LRMDA: variants seen among roughly 807,000 people sequenced by gnomAD.
The protein encoded by LRMDA is leucine rich melanocyte differentiation associated.
A neutral mutation model predicts 29.8 loss-of-function variants in LRMDA; 18 were observed. The observed-to-expected ratio is 0.60, with a 90% CI of 0.42 to 0.90. The LOEUF is 0.90. Among genes scored for constraint, LRMDA ranks in the 40% least tolerant of loss-of-function variants. The pLI is 0.00. For synonymous variants in LRMDA, 125 were observed against 109.4 expected (o/e 1.14, Z -0.89); for missense variants, 273 against 273.9 (o/e 1.00, Z 0.02).
At chr10:75,701,605 T>C (rs1260664455) in intron 2 of LRMDA, among the ~76,000 whole-genome samples, 11 of 151,806 alleles carry the variant, frequency 7.2e-5, no homozygotes, top group Admixed American at 7.2e-4. Context: ...TGAAGGGAGG[T>C]AATAAGAGTT....
chr10:76,405,234 G>T (rs1439672945), intron 6 of LRMDA, among the ~76,000 whole-genome samples: 1 of 152,186 alleles, frequency 6.6e-6, no homozygotes, highest in African/African-American at 2.4e-5. Flanking sequence ...GTTCTTCTGT[G>T]CAATATTCAA....
intron 2 of LRMDA, among the ~76,000 whole-genome samples, chr10:75,918,487 C>T (rs1377476899): frequency 6.6e-6 from 1 of 152,002 alleles, no homozygotes. Flanking sequence ...TTTCAAATAA[C>T]CAGATCTCGC....
intron 2 of LRMDA, among the ~76,000 whole-genome samples, chr10:75,894,117 G>A (rs1434392218): frequency 6.6e-6 from 1 of 151,786 alleles, no homozygotes; most frequent in Non-Finnish European, 1.5e-5. Context: ...TGAGATTTTG[G>A]TGCACCCATC....
rs181094227 is a variant in LRMDA at position 75,463,133 on chromosome 10, C to T, written c.131+24639C>T. ...GCATCCTCTTCTCTCTGCTTCAGCC[C>T]GAGCTGGAGAGCTTGGAATTTTAGA... On this transcript the variant is annotated intron_variant, in intron 2 of 6. Coordinates refer to ENST00000611255, the MANE Select transcript of LRMDA (RefSeq NM_001305581.2). Among the ~76,000 whole-genome samples, 203 of 152,232 alleles carry T rather than the reference C, an allele frequency of 1.3e-3. 3 individuals are homozygous for T. Among genetic ancestry groups the T allele is most frequent in the Non-Finnish European group, 6.6e-4 (45 of 68,036 alleles).
chr10:75,816,781 C>T (rs1390361589), intron 2 of LRMDA, among the ~76,000 whole-genome samples: 1 of 152,132 alleles, frequency 6.6e-6, no homozygotes, highest in Non-Finnish European at 1.5e-5. Context: ...AGGACTGGAA[C>T]AAGAAATTGG....
chr10:75,515,221 T>C (rs1460367264), intron 2 of LRMDA, among the ~76,000 whole-genome samples: 1 of 152,086 alleles, frequency 6.6e-6, no homozygotes, highest in Non-Finnish European at 1.5e-5. Context: ...GGCTGGTGGA[T>C]GGTGGTGGGG....
chr10:76,183,992 G>C (rs1589367172), intron 5 of LRMDA, among the ~76,000 whole-genome samples: 1 of 151,724 alleles, frequency 6.6e-6, no homozygotes, highest in East Asian at 2.0e-4. Flanking sequence ...AAAGTGCTGG[G>C]ATTACAAGTG....
At chr10:76,369,584 G>A (rs1841429760) in intron 6 of LRMDA, among the ~76,000 whole-genome samples, 1 of 152,090 alleles carries the variant, frequency 6.6e-6, no homozygotes, top group Non-Finnish European at 1.5e-5. Flanking sequence ...TGATGACAAT[G>A]TTCTTAGGCA....
At chr10:76,115,348 G>C (rs1316187444) in intron 5 of LRMDA, among the ~76,000 whole-genome samples, 1 of 152,174 alleles carries the variant, frequency 6.6e-6, no homozygotes, top group South Asian at 2.1e-4. Flanking sequence ...ATGCATTTTT[G>C]ATCTTTGCGT....
intron 6 of LRMDA, among the ~76,000 whole-genome samples, chr10:76,351,080 A>T (rs961575716): frequency 3.9e-5 from 6 of 152,248 alleles, no homozygotes; most frequent in Admixed American, 2.6e-4. Flanking sequence ...AAAATACTAG[A>T]TCAGTTAAAT....
At chr10:76,057,133 C>T (rs1007360638) in intron 4 of LRMDA, among the ~76,000 whole-genome samples, 1 of 152,260 alleles carries the variant, frequency 6.6e-6, no homozygotes, top group South Asian at 2.1e-4. Flanking sequence ...TTCCTTGATG[C>T]CCATTTGAGA....
At chr10:76,304,000 A>G (rs571101526) in intron 5 of LRMDA, among the ~76,000 whole-genome samples, 16 of 152,114 alleles carry the variant, frequency 1.1e-4, no homozygotes, top group Non-Finnish European at 1.9e-4. Context: ...ACAGCCCTGA[A>G]GGCCCTTTCA....
rs534091636 is a variant in LRMDA, at chr10:76,232,659, G to A, written c.517-91742G>A. Among the ~76,000 whole-genome samples the A allele has an allele frequency of 9.9e-5, 15 of 152,284 alleles. No individual in the cohort carries two copies. In the East Asian group the frequency reaches 2.9e-3, roughly 29 times the overall value. The stretch of plus-strand genomic sequence containing the variant: ...ATGGCCTCTACCTGCTGTAGGAGAC[G>A]GCCTAAGTCTGGCTTACACACTGGT... On this transcript the variant is annotated intron_variant, in intron 5 of 6. Transcript: ENST00000611255.
chr10:75,533,373 A>T (rs964228936), intron 2 of LRMDA, among the ~76,000 whole-genome samples: 2 of 152,236 alleles, frequency 1.3e-5, no homozygotes, highest in Non-Finnish European at 2.9e-5. Flanking sequence ...GGGGTAACCC[A>T]GGGTCTCTTT....
chr10:75,492,936 T>G (rs1179203111), intron 2 of LRMDA, among the ~76,000 whole-genome samples: 2 of 152,224 alleles, frequency 1.3e-5, no homozygotes, highest in Non-Finnish European at 2.9e-5. Context: ...TAGCATTTAT[T>G]GAACAAAGCT....
chr10:75,663,162 A>AT (rs1010509612), intron 2 of LRMDA, among the ~76,000 whole-genome samples: 1 of 152,108 alleles, frequency 6.6e-6, no homozygotes, highest in Non-Finnish European at 1.5e-5. Flanking sequence ...AATCTGTGGC[A>AT]TTTTTTGTAG....
intron 2 of LRMDA, among the ~76,000 whole-genome samples, chr10:75,948,465 G>C (rs1428580027): frequency 6.6e-6 from 1 of 152,200 alleles, no homozygotes; most frequent in Non-Finnish European, 1.5e-5. Context: ...GTCCCCATTT[G>C]ATAGGTAGTG....
At chr10:76,414,720 T>A (rs1841997238) in intron 6 of LRMDA, among the ~76,000 whole-genome samples, 1 of 152,192 alleles carries the variant, frequency 6.6e-6, no homozygotes, top group Non-Finnish European at 1.5e-5. Flanking sequence ...CTGAGAAAAC[T>A]GGTTGAGCCA....
intron 2 of LRMDA, among the ~76,000 whole-genome samples, chr10:75,820,469 A>G (rs1264849458): frequency 6.6e-6 from 1 of 152,238 alleles, no homozygotes; most frequent in Non-Finnish European, 1.5e-5. Flanking sequence ...GAAAATAGAG[A>G]CATAACATAC....
Sources: gnomAD v4.1 joint callset for allele counts (sites outside exome capture counted in the v4.1 genomes callset) on GRCh38, gnomAD v4.1.1 for gene constraint, MANE v1.5 for transcripts, NCBI Gene and HGNC (gene_info 2026-07-23, HGNC 2026-07-21) for gene names.